Variants in DZIP1L observed in about 807,000 individuals in gnomAD.
DZIP1L encodes the protein DAZ interacting zinc finger protein 1 like.
A neutral mutation model predicts 88.7 loss-of-function variants in DZIP1L; 90 were observed. The ratio of observed to expected loss-of-function variants is 1.02; its 90% CI spans 0.86 to 1.21. The LOEUF (loss-of-function observed/expected upper bound fraction) is 1.21, where lower values mean the gene tolerates loss of function less well. Among genes scored for constraint, DZIP1L ranks in the 50% most tolerant of loss-of-function variants. The probability of loss-of-function intolerance (pLI) is 0.00; values close to 1 mark genes in which losing one functional copy is unlikely to be tolerated. For synonymous variants in DZIP1L, 363 were observed against 372.1 expected, an observed-to-expected ratio of 0.98 and a Z score of 0.28; for missense variants, 932 against 955.8, an observed-to-expected ratio of 0.98 and a Z score of 0.33.
chr3:138,077,689 G>C (rs556442722), intron 10 of DZIP1L, 57 bp from the exon 11 acceptor site: 1 of 1,603,588 alleles, frequency 6.2e-7, no homozygotes. Flanking sequence ...TCCATTCCCA[G>C]AGCCCTACTG....
intron 10 of DZIP1L, chr3:138,080,328 C>T: frequency 2.5e-6 from 1 of 401,868 alleles, no homozygotes; most frequent in South Asian, 3.2e-5. Context: ...TCTGGACAAG[C>T]TAATGACCCT....
chr3:138,068,015 C>T, intron 13 of DZIP1L, 136 bp downstream of exon 13: 1 of 821,476 alleles, frequency 1.2e-6, no homozygotes, highest in South Asian at 3.1e-5. Flanking sequence ...GACTGGACCC[C>T]ACCTGAGGCA....
rs1051802748 is a variant in DZIP1L, at chr3:138,088,684, C to T, written c.871-177G>A. 5.5e-6 allele frequency: 7 copies of T among 1,272,042 alleles called. No homozygotes were observed. The East Asian group carries it at 1.2e-4, about 22-fold the overall frequency. 78.8% of individuals were successfully genotyped at this position (1,272,042 alleles called of 1,614,324 possible). A position where few individuals can be genotyped will look rare whatever the true frequency, so the allele number is the denominator to read the frequency against. ...CAAATCAGCATTCCCTTCACAAGGG[C>T]TCTCCTGGGGGCTCAGCCCTTGCAT... On this transcript the variant is annotated intron_variant, in intron 5 of 15. Coordinates refer to ENST00000327532, the MANE Select transcript of DZIP1L (RefSeq NM_173543.3).
chr3:138,081,882 C>T (rs918159322), intron 8 of DZIP1L, 118 bp from the exon 9 acceptor site: 14 of 1,053,398 alleles, frequency 1.3e-5, no homozygotes, highest in African/African-American at 9.8e-5. Flanking sequence ...CCATGACTCA[C>T]GTTGGGAACT....
chr3:138,071,133 C>T (rs1003594819), intron 12 of DZIP1L, among the ~76,000 whole-genome samples: 33 of 152,226 alleles, frequency 2.2e-4, no homozygotes, highest in African/African-American at 8.0e-4. Flanking sequence ...GTCTCTCATG[C>T]TCTCCCATGG....
intron 12 of DZIP1L, among the ~76,000 whole-genome samples, chr3:138,070,489 T>G (rs1943128252): frequency 6.6e-6 from 1 of 152,196 alleles, no homozygotes; most frequent in African/African-American, 2.4e-5. Context: ...TTTACCATAT[T>G]TTCATGCCAA....
chr3:138,104,617 A>T (rs2042425039), intron 1 of DZIP1L, among the ~76,000 whole-genome samples: 1 of 152,212 alleles, frequency 6.6e-6, no homozygotes, highest in African/African-American at 2.4e-5. Flanking sequence ...TACCTTTCCC[A>T]GCTTCTCCAG....
At chr3:138,092,738 A>G (rs1164512886) in intron 4 of DZIP1L, among the ~76,000 whole-genome samples, 194 bp from the exon 5 acceptor site, 1 of 152,238 alleles carries the variant, frequency 6.6e-6, no homozygotes, top group African/African-American at 2.4e-5. Context: ...AAGCATCTTC[A>G]GAAGTAGTAG....
chr3:138,095,111 G>A (rs1423621807), intron 3 of DZIP1L, 128 bp from the exon 4 acceptor site: 2 of 1,399,994 alleles, frequency 1.4e-6, no homozygotes, highest in African/African-American at 2.9e-5. Flanking sequence ...GTTGACATTG[G>A]GCAAAGAACA....
intron 8 of DZIP1L, 158 bp from the exon 9 acceptor site, chr3:138,081,922 C>T (rs1943678677): frequency 1.1e-5 from 6 of 568,516 alleles, no homozygotes; most frequent in Middle Eastern, 4.7e-4. Context: ...CACCCCAGCC[C>T]CCTGACACAT....
intron 12 of DZIP1L, among the ~76,000 whole-genome samples, 190 bp downstream of exon 12, chr3:138,071,453 C>T (rs2107743884): frequency 6.6e-6 from 1 of 152,360 alleles, no homozygotes; most frequent in South Asian, 2.1e-4. Flanking sequence ...CCCCACTCCA[C>T]CCCAGATCCT....
At chr3:138,087,102 A>G in intron 6 of DZIP1L, 79 bp from the exon 7 acceptor site, 5 of 1,365,578 alleles carry the variant, frequency 3.7e-6, no homozygotes, top group Non-Finnish European at 5.1e-6. Flanking sequence ...AGTTAAAAGT[A>G]CTGGCTCATG....
intron 5 of DZIP1L, chr3:138,088,803 G>A (rs1240165528): frequency 9.6e-7 from 1 of 1,037,426 alleles, no homozygotes; most frequent in Non-Finnish European, 1.2e-6. Context: ...TCTCCTGACT[G>A]CTGCCCCATT....
chr3:138,076,232 G>A (rs1230561610), intron 11 of DZIP1L, among the ~76,000 whole-genome samples: 1 of 152,104 alleles, frequency 6.6e-6, no homozygotes, highest in African/African-American at 2.4e-5. Context: ...ACCCCTACAA[G>A]AATGGCCATA....
intron 3 of DZIP1L, among the ~76,000 whole-genome samples, chr3:138,095,516 C>T (rs575162318): frequency 6.6e-5 from 10 of 152,300 alleles, no homozygotes; most frequent in Admixed American, 3.9e-4. Flanking sequence ...CGCAGTGGCT[C>T]ATGCCTGTAA....
At position 138,080,601 on chromosome 3, in the gene DZIP1L, C is replaced by T. The variant is rs200947576; in HGVS notation, c.1254G>A (p.Lys418=). The change falls in exon 10 of 16, where the codon AAG becomes AAA. Residue 418 remains lysine (K), a synonymous_variant. Transcript: ENST00000327532. ...RKVEGIHKVP[K]AVDTEEDSPE... ...GAGAGTCCTCCTCTGTGTCCACAGC[C>T]TTTGGCACCTTGTGGATCCCTGAAG... 1.9e-6 allele frequency: 3 copies of T among 1,613,724 alleles called. No individual in the cohort carries two copies. The Admixed American group carries it at 5.0e-5, about 27-fold the overall frequency.
At chr3:138,092,897 T>C (rs1944303350) in intron 4 of DZIP1L, among the ~76,000 whole-genome samples, 1 of 152,174 alleles carries the variant, frequency 6.6e-6, no homozygotes, top group Non-Finnish European at 1.5e-5. Flanking sequence ...ACATCTGCAG[T>C]GGCTTCCTCC....
In DZIP1L at chr3:138,092,528, T is replaced by C. The variant is rs1190741762; in HGVS notation, c.725A>G (p.His242Arg). Reference sequence around the variant, plus strand: ...TTTCTTAGCTTCTATTTCCCTCTGATGAATGAGCTCTGCTTCCTAAAAAGA... The same window carrying C: ...TTTCTTAGCTTCTATTTCCCTCTGACGAATGAGCTCTGCTTCCTAAAAAGA... ...QRQLQEAELI[H>R]QREIEAKKEF... The change falls in exon 5 of 16, where the codon CAT becomes CGT. Residue 242 changes from histidine to arginine, a missense_variant. His to Arg is a conservative substitution (Grantham distance 29). Transcript: ENST00000327532. The C allele has an allele frequency of 2.5e-6, 4 of 1,589,472 alleles. No homozygotes were observed. The African/African-American group carries it at 4.1e-5, about 16-fold the overall frequency.
chr3:138,094,328 T>C (rs907522639), intron 4 of DZIP1L, among the ~76,000 whole-genome samples: 3 of 152,210 alleles, frequency 2.0e-5, no homozygotes, highest in African/African-American at 7.2e-5. Context: ...GTGCAAACAA[T>C]ACAATGTCTG....
Sources: gnomAD v4.1 joint callset for allele counts (sites outside exome capture counted in the v4.1 genomes callset) on GRCh38, gnomAD v4.1.1 for gene constraint, MANE v1.5 for transcripts, NCBI Gene and HGNC (gene_info 2026-07-23, HGNC 2026-07-21) for gene names.